Variants in LRRC49 observed in about 807,000 individuals in gnomAD.
LRRC49 encodes the protein leucine rich repeat containing 49.
Under a neutral mutation model 83.3 loss-of-function variants are expected in LRRC49, and 50 were observed. The observed-to-expected ratio is 0.60, with a 90% CI of 0.48 to 0.76. The LOEUF (loss-of-function observed/expected upper bound fraction) is 0.76, where lower values mean the gene tolerates loss of function less well. Among genes scored for constraint, LRRC49 ranks in the 30% least tolerant of loss-of-function variants. The pLI is 0.00. For synonymous variants in LRRC49, 286 were observed against 283.3 expected (o/e 1.01, Z -0.10); for missense variants, 704 against 809.1 (o/e 0.87, Z 1.58).
At chr15:70,971,567 G>T (rs1056495298) in intron 9 of LRRC49, among the ~76,000 whole-genome samples, 1 of 152,094 alleles carries the variant, frequency 6.6e-6, no homozygotes, top group Non-Finnish European at 1.5e-5. Context: ...TGACAGTGGG[G>T]TGTTAAAATC....
At chr15:70,996,490 G>A (rs943949663) in intron 11 of LRRC49, among the ~76,000 whole-genome samples, 1 of 151,816 alleles carries the variant, frequency 6.6e-6, no homozygotes, top group African/African-American at 2.4e-5. Context: ...TTATGTATGT[G>A]GCTACTCTCT....
At chr15:70,983,218 T>G (rs2037467851) in intron 10 of LRRC49, among the ~76,000 whole-genome samples, 1 of 152,164 alleles carries the variant, frequency 6.6e-6, no homozygotes, top group Non-Finnish European at 1.5e-5. Context: ...AACGTTTCAA[T>G]TTAGCACAAT....
At chr15:70,921,900 T>A (rs1411206532) in intron 7 of LRRC49, among the ~76,000 whole-genome samples, 1 of 150,814 alleles carries the variant, frequency 6.6e-6, no homozygotes, top group Non-Finnish European at 1.5e-5. Flanking sequence ...GAAAAGTTAT[T>A]GCTTGTTTAT....
chr15:71,039,128 C>T (rs1168851283), intron 15 of LRRC49, among the ~76,000 whole-genome samples: 1 of 151,922 alleles, frequency 6.6e-6, no homozygotes, highest in East Asian at 1.9e-4. Flanking sequence ...GCAGTTCTGG[C>T]AAATAGCACA....
intron 8 of LRRC49, among the ~76,000 whole-genome samples, chr15:70,959,498 A>G (rs1183551228): frequency 4.8e-5 from 7 of 146,266 alleles, no homozygotes; most frequent in East Asian, 2.1e-4. Context: ...TGAAAGAAAG[A>G]AAGGAAGGAA....
intron 11 of LRRC49, among the ~76,000 whole-genome samples, chr15:70,987,084 G>A (rs569041627): frequency 1.1e-4 from 16 of 152,286 alleles, no homozygotes; most frequent in African/African-American, 3.8e-4. Context: ...AAGGATATTG[G>A]TCTAAAATTC....
intron 4 of LRRC49, among the ~76,000 whole-genome samples, chr15:70,901,795 G>A (rs1484946384): frequency 6.6e-6 from 1 of 152,018 alleles, no homozygotes; most frequent in Non-Finnish European, 1.5e-5. Flanking sequence ...ACAGAACCTG[G>A]TACAAAACAC....
intron 2 of LRRC49, among the ~76,000 whole-genome samples, chr15:70,884,442 G>A (rs1349945659): frequency 6.6e-6 from 1 of 151,892 alleles, no homozygotes; most frequent in Non-Finnish European, 1.5e-5. Flanking sequence ...ATTGCTTGAA[G>A]CCGGGAGGCA....
At chr15:70,951,911 G>A (rs1037830251) in intron 8 of LRRC49, among the ~76,000 whole-genome samples, 1 of 151,908 alleles carries the variant, frequency 6.6e-6, no homozygotes, top group Non-Finnish European at 1.5e-5. Context: ...TATGTTATAT[G>A]GGTCTTATTA....
At chr15:70,873,057 G>A (rs2033083792) in exon 2 of LRRC49, 1 of 650,154 alleles carries the variant, frequency 1.5e-6, no homozygotes, top group African/African-American at 1.8e-5. Context: ...GCTCATTTTT[G>A]TATTTTTAGT....
At chr15:70,888,081 G>GTC (rs2033457680), upstream of LRRC49, among the ~76,000 whole-genome samples, 1 of 152,116 alleles carries the variant, frequency 6.6e-6, no homozygotes, top group African/African-American at 2.4e-5. Context: ...GATTAGAAGA[G>GTC]TCAATATTGT....
chr15:71,029,612 C>G (rs1184287664), intron 14 of LRRC49, among the ~76,000 whole-genome samples: 1 of 152,134 alleles, frequency 6.6e-6, no homozygotes, highest in Non-Finnish European at 1.5e-5. Context: ...CTAATATTGA[C>G]AGTGGGCTGT....
chr15:70,860,251 A>T (rs1301299792), intron 1 of LRRC49: 1 of 599,914 alleles, frequency 1.7e-6, no homozygotes, highest in Non-Finnish European at 3.0e-6. Context: ...CACAGGGAAC[A>T]GGAGACCCAC....
At chr15:70,949,173 C>G (rs79220345) in intron 8 of LRRC49, among the ~76,000 whole-genome samples, 2,245 of 152,262 alleles carry the variant, frequency 0.015, 53 homozygotes, top group African/African-American at 0.051. Context: ...GGCCTGTGGG[C>G]TGTAGTTTGC....
chr15:71,013,179 C>A (rs893189459), intron 14 of LRRC49, among the ~76,000 whole-genome samples: 4 of 151,996 alleles, frequency 2.6e-5, no homozygotes, highest in African/African-American at 9.7e-5. Context: ...GAGGGACTAA[C>A]CATATTTTGG....
At chr15:70,986,075 C>T (rs1279106405) in intron 11 of LRRC49, among the ~76,000 whole-genome samples, 1 of 151,552 alleles carries the variant, frequency 6.6e-6, no homozygotes, top group Non-Finnish European at 1.5e-5. Flanking sequence ...CGTGATGCCT[C>T]CAGCTTTGTT....
upstream of LRRC49, among the ~76,000 whole-genome samples, chr15:70,888,246 A>G (rs2033461858): frequency 6.6e-6 from 1 of 152,188 alleles, no homozygotes; most frequent in South Asian, 2.1e-4. Flanking sequence ...AACATGAACA[A>G]GGTAAGAGGT....
chr15:71,049,442 T>C lies in LRRC49; in HGVS notation c.1891T>C (p.Tyr631His), dbSNP rs985478390. The C allele has an allele frequency of 1.2e-6, 2 of 1,609,100 alleles. No individual in the cohort carries two copies. Among genetic ancestry groups the C allele is most frequent in the African/African-American group, 1.3e-5 (1 of 74,616 alleles). Residue 631 changes from tyrosine (Y) to histidine (H), a missense_variant, in exon 16 of 16, where the codon TAT becomes CAT. By Grantham distance (83) the Tyr-to-His change is moderately conservative (BLOSUM62 2). Transcript: ENST00000260382. ...GGAAAAGAAGAAATTCTGTAAAACA[T>C]ATATAGAAGACCTTGTGAAGGAAGC... ...IKEKKKFCKT[Y>H]IEDLVKEATE...
chr15:70,977,716 T>C (rs2037256545), intron 9 of LRRC49, among the ~76,000 whole-genome samples: 1 of 152,176 alleles, frequency 6.6e-6, no homozygotes, highest in Admixed American at 6.5e-5. Flanking sequence ...AAAATTACAT[T>C]ACATTTCCAT....
Sources: gnomAD v4.1 joint callset for allele counts (sites outside exome capture counted in the v4.1 genomes callset) on GRCh38, gnomAD v4.1.1 for gene constraint, MANE v1.5 for transcripts, NCBI Gene and HGNC (gene_info 2026-07-23, HGNC 2026-07-21) for gene names.